Variants in EPHA6 observed in about 807,000 individuals in gnomAD.
EPHA6 encodes EPH receptor A6, also known as ephrin type-A receptor 6.
In EPHA6, 50 loss-of-function variants were observed where a neutral mutation model predicts 112.0. The ratio of observed to expected loss-of-function variants is 0.45; its 90% CI spans 0.36 to 0.56. The LOEUF (loss-of-function observed/expected upper bound fraction) is 0.56. EPHA6 is among the 20% of genes least tolerant of loss of function. The pLI, the probability that EPHA6 is intolerant of heterozygous loss-of-function variation, is 0.00. For synonymous variants in EPHA6, 529 were observed against 490.7 expected (o/e 1.08, Z -1.03); for missense variants, 1,280 against 1,417.4 (o/e 0.90, Z 1.56).
intron 10 of EPHA6, among the ~76,000 whole-genome samples, chr3:97,504,557 C>A (rs1052565789): frequency 6.6e-6 from 1 of 152,102 alleles, no homozygotes; most frequent in African/African-American, 2.4e-5. Flanking sequence ...CCATTGCAGG[C>A]ATGTCTGAGC....
chr3:97,206,759 C>T (rs2077723170), intron 3 of EPHA6, among the ~76,000 whole-genome samples: 1 of 151,894 alleles, frequency 6.6e-6, no homozygotes, highest in African/African-American at 2.4e-5. Context: ...CAACCTATAC[C>T]CCCCTACTTC....
At chr3:96,891,764 T>A (rs928763560) in intron 2 of EPHA6, among the ~76,000 whole-genome samples, 1 of 152,156 alleles carries the variant, frequency 6.6e-6, no homozygotes, top group Non-Finnish European at 1.5e-5. Context: ...TTGACATAGA[T>A]GATAGCTACA....
chr3:96,941,256 C>T (rs2040924597), intron 2 of EPHA6, among the ~76,000 whole-genome samples: 2 of 152,202 alleles, frequency 1.3e-5, no homozygotes, highest in Non-Finnish European at 2.9e-5. Flanking sequence ...TAGATTTGTT[C>T]TTTTCACATA....
chr3:97,653,352 T>C (rs1042861865), intron 14 of EPHA6, among the ~76,000 whole-genome samples: 2 of 151,892 alleles, frequency 1.3e-5, no homozygotes, highest in African/African-American at 4.8e-5. Flanking sequence ...AAGACCTGAA[T>C]AGGTATTTCT....
At position 97,750,325 on chromosome 3, in the gene EPHA6, G is replaced by C. The variant is rs367633387; in HGVS notation, c.*1624G>C. On this transcript the variant is annotated 3_prime_UTR_variant, in exon 18 of 18. Coordinates refer to ENST00000389672, the MANE Select transcript of EPHA6 (RefSeq NM_001080448.3). ...TTTTTTTTTTTAAATAAAGGACCCT[G>C]TTTTTGTTTTTTGTTTTTGTTTTTG... 6.6e-6 allele frequency among the ~76,000 whole-genome samples: 1 copy of C among 150,680 alleles called. No homozygotes were observed. Among genetic ancestry groups the C allele is most frequent in the African/African-American group, 2.4e-5 (1 of 41,054 alleles).
chr3:97,012,268 C>T (rs1016438748), intron 3 of EPHA6, among the ~76,000 whole-genome samples: 3 of 151,514 alleles, frequency 2.0e-5, no homozygotes, highest in African/African-American at 7.3e-5. Flanking sequence ...ATTTACATTC[C>T]CAAACAGTAT....
At chr3:96,976,317 C>A (rs1446962080) in intron 2 of EPHA6, among the ~76,000 whole-genome samples, 3 of 152,110 alleles carry the variant, frequency 2.0e-5, no homozygotes, top group Non-Finnish European at 4.4e-5. Context: ...TCTGAGCCTT[C>A]CAAACAACTC....
At chr3:97,050,079 T>C (rs2045636514) in intron 3 of EPHA6, among the ~76,000 whole-genome samples, 1 of 152,168 alleles carries the variant, frequency 6.6e-6, no homozygotes, top group African/African-American at 2.4e-5. Flanking sequence ...AGTTAAATAT[T>C]TTCTTCTGCT....
intron 1 of EPHA6, among the ~76,000 whole-genome samples, chr3:96,856,640 CTG>C (rs1222981726): frequency 6.6e-6 from 1 of 152,088 alleles, no homozygotes; most frequent in Non-Finnish European, 1.5e-5. Flanking sequence ...GAAAATTTAT[CTG>C]TGTTTCTTCA....
chr3:96,995,077 G>T (rs2043370511), intron 3 of EPHA6, among the ~76,000 whole-genome samples: 1 of 152,010 alleles, frequency 6.6e-6, no homozygotes, highest in Non-Finnish European at 1.5e-5. Flanking sequence ...AGGTAAATGG[G>T]ATATACAGGG....
At chr3:97,389,947 A>ACTT (rs1203954557) in intron 5 of EPHA6, among the ~76,000 whole-genome samples, 1 of 152,260 alleles carries the variant, frequency 6.6e-6, no homozygotes, top group African/African-American at 2.4e-5. Context: ...GAAAACACAA[A>ACTT]CTTCTTCTCT....
chr3:97,064,005 G>C (rs1253653277), intron 3 of EPHA6, among the ~76,000 whole-genome samples: 1 of 152,168 alleles, frequency 6.6e-6, no homozygotes, highest in African/African-American at 2.4e-5. Flanking sequence ...GATGGTTGTG[G>C]ACACAGAAGA....
At chr3:97,100,182 T>C (rs2047361318) in intron 3 of EPHA6, among the ~76,000 whole-genome samples, 1 of 151,186 alleles carries the variant, frequency 6.6e-6, no homozygotes, top group African/African-American at 2.4e-5. Context: ...TCTCTAATCA[T>C]AATAGAATAA....
chr3:97,631,128 G>C lies in EPHA6; in HGVS notation c.2575-6745G>C, dbSNP rs114625441. Among the ~76,000 whole-genome samples, 840 of 152,008 alleles carry C rather than the reference G, an allele frequency of 5.5e-3. 8 individuals carry two copies. The highest frequency in any genetic ancestry group is 0.019 in the African/African-American group (776 of 41,472). On this transcript the variant is annotated intron_variant, in intron 13 of 17. Transcript: ENST00000389672. ...TAAACCCCAAAAATATTTTAATAGA[G>C]GAATTTCAGAGAGCAAAACAAAAGT...
intron 5 of EPHA6, among the ~76,000 whole-genome samples, chr3:97,376,388 T>C (rs892092915): frequency 3.3e-5 from 5 of 152,162 alleles, no homozygotes; most frequent in African/African-American, 1.2e-4. Context: ...ATCTGGCTAG[T>C]AGAACTGGCT....
Position 97,448,725 on chromosome 3 carries a change from A to T in EPHA6, c.1889A>T (p.Asp630Val). Residue 630 changes from aspartate to valine, a missense_variant, in exon 7 of 18, where the codon GAT (aspartate) becomes GTT (valine). Asp to Val is a radical substitution (Grantham distance 152). Around this residue, in one of 4 missense-constraint regions of EPHA6, gnomAD observed 878 missense variants for 999.7 expected, o/e 0.88. Coordinates refer to ENST00000389672, the MANE Select transcript of EPHA6 (RefSeq NM_001080448.3). Reference sequence around the variant, plus strand: ...CAGAAATTTGAATTTGAAACAGGAGATGAAAGTAAGTTTCACACAAGGATA... The same window carrying T: ...CAGAAATTTGAATTTGAAACAGGAGTTGAAAGTAAGTTTCACACAAGGATA... Reference protein sequence around the residue: ...YSQKFEFETGDETSDMAAEQG... With the variant: ...YSQKFEFETGVETSDMAAEQG... 4 of 1,613,252 alleles carry T rather than the reference A, an allele frequency of 2.5e-6. No individual in the cohort carries two copies. The highest frequency in any genetic ancestry group is 3.4e-6 in the Non-Finnish European group (4 of 1,179,382).
chr3:96,913,571 C>T (rs1342589542), intron 2 of EPHA6, among the ~76,000 whole-genome samples: 6 of 151,992 alleles, frequency 3.9e-5, no homozygotes, highest in Non-Finnish European at 7.4e-5. Flanking sequence ...ACTCAACCTT[C>T]GGAGCACATT....
At chr3:96,912,536 AC>A (rs34405246) in intron 2 of EPHA6, among the ~76,000 whole-genome samples, 1 of 152,124 alleles carries the variant, frequency 6.6e-6, no homozygotes, top group Admixed American at 6.5e-5. Flanking sequence ...CTAACTGGGG[AC>A]CTAAAGGAAA....
chr3:97,227,608 G>C (rs911277737), intron 4 of EPHA6, among the ~76,000 whole-genome samples: 2 of 152,224 alleles, frequency 1.3e-5, no homozygotes, highest in Non-Finnish European at 2.9e-5. Context: ...CATGCACTTT[G>C]AGGGTGGTAA....
Sources: gnomAD v4.1 joint callset for allele counts (sites outside exome capture counted in the v4.1 genomes callset) on GRCh38, gnomAD v4.1.1 for gene constraint, gnomAD v4.1.1 regional missense constraint, MANE v1.5 for transcripts, NCBI Gene and HGNC (gene_info 2026-07-23, HGNC 2026-07-21) for gene names.